The following GAS7 variants were observed in gnomAD, a reference collection of about 807,000 sequenced individuals.
GAS7 encodes the protein growth arrest specific 7, also known as growth arrest-specific protein 7.
Under a neutral mutation model 71.1 loss-of-function variants are expected in GAS7, and 28 were observed. That is an observed-to-expected ratio of 0.39 (90% CI 0.29 to 0.54). GAS7 has a LOEUF of 0.54. GAS7 is among the 20% of genes least tolerant of loss of function. The probability of loss-of-function intolerance (pLI) is 0.62; values close to 1 mark genes in which losing one functional copy is unlikely to be tolerated. For synonymous variants in GAS7, 258 were observed against 245.8 expected, an observed-to-expected ratio of 1.05 and a Z score of -0.46; for missense variants, 436 against 627.8, an observed-to-expected ratio of 0.69 and a Z score of 3.27.
intron 1 of GAS7, among the ~76,000 whole-genome samples, chr17:10,131,197 G>A (rs745579195): frequency 5.3e-5 from 8 of 152,166 alleles, no homozygotes; most frequent in Non-Finnish European, 1.2e-4. Context: ...GAAGAGCAGC[G>A]CTTACTTGGT....
chr17:10,185,071 G>A lies in GAS7; in HGVS notation c.183+13137C>T, dbSNP rs114263918. Among the ~76,000 whole-genome samples the A allele has an allele frequency of 4.8e-3, 732 of 152,060 alleles. 9 individuals carry two copies. The highest frequency in any genetic ancestry group is 0.017 in the African/African-American group (691 of 41,484). Reference sequence around the variant, plus strand: ...CCTCCTGAGTAGCTGAGACTACGGCGCGTGCCACCACACCAGGCTCATTTG... The same window carrying A: ...CCTCCTGAGTAGCTGAGACTACGGCACGTGCCACCACACCAGGCTCATTTG... On this transcript the variant is annotated intron_variant, in intron 1 of 13. Coordinates refer to ENST00000432992, the MANE Select transcript of GAS7 (RefSeq NM_201433.2).
chr17:10,075,084 G>A (rs557339218), intron 1 of GAS7, among the ~76,000 whole-genome samples: 2 of 152,288 alleles, frequency 1.3e-5, no homozygotes, highest in South Asian at 4.1e-4. Context: ...AGGGCTGGGA[G>A]CGGTGGTTCA....
chr17:10,018,910 A>G (rs148589290), intron 2 of GAS7, among the ~76,000 whole-genome samples: 14 of 152,218 alleles, frequency 9.2e-5, no homozygotes, highest in African/African-American at 3.1e-4. Context: ...CACTAAATCT[A>G]ACTTTCCTTG....
chr17:10,022,375 A>G (rs1228667850), intron 1 of GAS7, among the ~76,000 whole-genome samples: 3 of 152,246 alleles, frequency 2.0e-5, no homozygotes, highest in African/African-American at 7.2e-5. Flanking sequence ...TTCTCCTTCA[A>G]TCAAACATGG....
Position 9,913,204 on chromosome 17 carries a change from T to A in GAS7, c.*4024A>T. Reference sequence around the variant, plus strand: ...CCTCAATAAACCTGGGAAAAGGTGGTGGCGATGGGCCTTGTAGGGATGGCA... The same window carrying A: ...CCTCAATAAACCTGGGAAAAGGTGGAGGCGATGGGCCTTGTAGGGATGGCA... On this transcript the variant is annotated 3_prime_UTR_variant, in exon 14 of 14. Transcript: ENST00000432992. 8.6e-6 allele frequency: 2 copies of A among 232,426 alleles called. No homozygotes were observed. The highest frequency in any genetic ancestry group is 1.7e-5 in the Non-Finnish European group (2 of 117,530). The allele number at this position is 232,426 out of a possible 1,614,324, so 14.4% of individuals were successfully genotyped here. A position where few individuals can be genotyped will look rare whatever the true frequency, so the allele number is the denominator to read the frequency against.
chr17:9,980,336 C>T (rs1340612290), intron 3 of GAS7, among the ~76,000 whole-genome samples: 2 of 152,174 alleles, frequency 1.3e-5, no homozygotes, highest in East Asian at 1.9e-4. Context: ...TCTGGCCACT[C>T]GCTTTGCGTC....
rs189257352 is a variant in GAS7, at chr17:10,148,035, T to C, written c.183+50173A>G. ...TGCTTGTTGGAGCTCAAGGAGCTGC[T>C]GTGAGAGCCGATCATGTATCTCATG... On this transcript the variant is annotated intron_variant, in intron 1 of 13. Transcript: ENST00000432992. Among the ~76,000 whole-genome samples, 272 of 152,290 alleles carry C rather than the reference T, an allele frequency of 1.8e-3. 7 individuals are homozygous for C. In the South Asian group the frequency reaches 0.043, roughly 24 times the overall value.
intron 1 of GAS7, among the ~76,000 whole-genome samples, chr17:10,092,992 ATAAGG>A (rs1031278516): frequency 1.3e-5 from 2 of 152,206 alleles, no homozygotes; most frequent in African/African-American, 4.8e-5. Context: ...GTCTTGCCAT[ATAAGG>A]TAAGTTCACA....
chr17:10,068,591 T>TAA (rs35892404), intron 1 of GAS7, among the ~76,000 whole-genome samples: 1,978 of 141,210 alleles, frequency 0.014, 23 homozygotes, highest in Non-Finnish European at 0.021. Context: ...CCCTGTCTCT[T>TAA]AAAAAAAAAA....
At chr17:9,938,620 C>A (rs548923663) in intron 8 of GAS7, among the ~76,000 whole-genome samples, 9 of 151,970 alleles carry the variant, frequency 5.9e-5, no homozygotes, top group African/African-American at 2.2e-4. Context: ...ACCAACCCTG[C>A]TGGCACCTTG....
chr17:9,947,639 G>C (rs1475305099), intron 5 of GAS7, among the ~76,000 whole-genome samples: 1 of 152,036 alleles, frequency 6.6e-6, no homozygotes, highest in African/African-American at 2.4e-5. Flanking sequence ...AGCTAGTCGG[G>C]AGGCTGAGGG....
In GAS7 at chr17:10,103,426, C is replaced by A. The variant is rs1275253405; in HGVS notation, c.184-83529G>T. 6.6e-6 allele frequency among the ~76,000 whole-genome samples: 1 copy of A among 152,112 alleles called. No homozygotes were observed. ...GAGAAGCACAGCTCATGCCATCTAG[C>A]GACCCTACTCTAGCTGCCCAGTGAG... On this transcript the variant is annotated intron_variant, in intron 1 of 13. Transcript: ENST00000432992. This position sits in a 1 kb window ranked among gnomAD's most constrained non-coding sequence, Gnocchi z 5.5.
chr17:9,970,136 CG>C (rs1192785801), intron 3 of GAS7, among the ~76,000 whole-genome samples: 3 of 152,120 alleles, frequency 2.0e-5, no homozygotes, highest in African/African-American at 7.2e-5. Flanking sequence ...AGAGTCGGGG[CG>C]GGGGGCTCTC....
chr17:10,124,673 T>C (rs1252743152), intron 1 of GAS7, among the ~76,000 whole-genome samples: 1 of 151,994 alleles, frequency 6.6e-6, no homozygotes, highest in African/African-American at 2.4e-5. Flanking sequence ...CCCAGCAGTT[T>C]GGGGGGGAGC....
In GAS7 at chr17:9,926,286, A is replaced by C. The variant is rs964168257; in HGVS notation, c.1014+355T>G. Among the ~76,000 whole-genome samples the C allele has an allele frequency of 6.6e-6, 1 of 151,902 alleles. No homozygotes were observed. Among genetic ancestry groups the C allele is most frequent in the Non-Finnish European group, 1.5e-5 (1 of 67,944 alleles). ...GGGAGGCGGTGACTGAGTCAGGACG[A>C]CTCAGCCAGGTGAGGCTTAAACACG... On this transcript the variant is annotated intron_variant, in intron 10 of 13. Transcript: ENST00000432992. The surrounding 1 kb of genome is among the most constrained non-coding windows in gnomAD (Gnocchi z 5.0).
chr17:9,970,111 C>T (rs2069897922), intron 3 of GAS7, among the ~76,000 whole-genome samples: 1 of 152,148 alleles, frequency 6.6e-6, no homozygotes, highest in South Asian at 2.1e-4. Context: ...AGTCACGGGT[C>T]CAATCTCCCT....
chr17:10,155,984 C>T (rs1318043122), intron 1 of GAS7, among the ~76,000 whole-genome samples: 5 of 152,172 alleles, frequency 3.3e-5, no homozygotes, highest in Non-Finnish European at 7.3e-5. Context: ...GAGTCAGGTT[C>T]GAAGGGAATA....
At chr17:10,052,442 A>G (rs1053356719) in intron 1 of GAS7, among the ~76,000 whole-genome samples, 5 of 152,226 alleles carry the variant, frequency 3.3e-5, no homozygotes, top group African/African-American at 1.2e-4. Flanking sequence ...GAGGGTGGGT[A>G]GGAAACTACC....
intron 1 of GAS7, among the ~76,000 whole-genome samples, chr17:10,121,238 G>A (rs963807021): frequency 3.6e-4 from 55 of 152,046 alleles, no homozygotes; most frequent in Admixed American, 1.7e-3. Context: ...AAAATTAGCC[G>A]GACGTGGTGG....
Sources: allele counts gnomAD v4.1 joint callset (sites outside exome capture counted in the v4.1 genomes callset), GRCh38; gene constraint gnomAD v4.1.1; non-coding constraint Gnocchi (gnomAD v3.1); transcripts MANE v1.5; gene names NCBI Gene and HGNC (gene_info 2026-07-23, HGNC 2026-07-21).